The following MYOF variants were observed in gnomAD, a reference collection of about 807,000 sequenced individuals.
MYOF encodes the protein fer-1-like 3, myoferlin.
A neutral mutation model predicts 284.2 loss-of-function variants in MYOF; 244 were observed. The observed-to-expected ratio is 0.86, with a 90% CI of 0.77 to 0.95. MYOF has a LOEUF of 0.95. Among genes scored for constraint, MYOF ranks in the 40% least tolerant of loss-of-function variants. The probability of loss-of-function intolerance (pLI) is 0.00; values close to 1 mark genes in which losing one functional copy is unlikely to be tolerated. For missense variants in MYOF, 2,496 were observed against 2,560.6 expected (o/e 0.97, Z 0.54); for synonymous variants, 904 against 919.7 (o/e 0.98, Z 0.31).
chr10:93,340,261 G>T, intron 38 of MYOF, 97 bp from the exon 39 acceptor site: 1 of 1,289,266 alleles, frequency 7.8e-7, no homozygotes, highest in Non-Finnish European at 1.1e-6. Context: ...AGAGAAAGAA[G>T]CAAAAATTAT....
At chr10:93,317,226 C>A (rs1842652047) in intron 49 of MYOF, among the ~76,000 whole-genome samples, 1 of 137,148 alleles carries the variant, frequency 7.3e-6, no homozygotes, top group Non-Finnish European at 1.6e-5. Context: ...CCCTCCCACC[C>A]ACACAGATGT....
chr10:93,435,071 A>G (rs563222840), intron 3 of MYOF, among the ~76,000 whole-genome samples: 23 of 152,354 alleles, frequency 1.5e-4, no homozygotes, highest in African/African-American at 5.5e-4. Context: ...AACTGGTATT[A>G]AATGTCTAAA....
Position 93,361,465 on chromosome 10 carries a change from C to T in MYOF, c.2961G>A (p.Ala987=), listed in dbSNP as rs1305461390. ...GTACAATGTTACCTTTCTCATCCAC[C>T]GCTCGATTTATGTCATAAGACCATG... ...DDAWSYDINR[A]VDEKGWEYGI... Residue 987 remains alanine (A), a synonymous_variant, in exon 28 of 54, where the codon GCG becomes GCA. Transcript: ENST00000359263. 40 of 1,613,988 alleles carry T rather than the reference C, an allele frequency of 2.5e-5. No individual in the cohort carries two copies. The highest frequency in any genetic ancestry group is 1.5e-4 in the African/African-American group (11 of 74,908).
At chr10:93,481,727 A>G (rs1168692940) in intron 1 of MYOF, among the ~76,000 whole-genome samples, 1 of 152,176 alleles carries the variant, frequency 6.6e-6, no homozygotes, top group Non-Finnish European at 1.5e-5. Flanking sequence ...CAACAATTTA[A>G]TTGCTCTTCT....
intron 52 of MYOF, 127 bp downstream of exon 52, chr10:93,310,407 C>A (rs1052172417): frequency 3.8e-6 from 4 of 1,041,054 alleles, no homozygotes; most frequent in Admixed American, 2.7e-5. Context: ...TCTCCACCCC[C>A]ACCCACCACT....
At chr10:93,455,194 CAGG>C (rs575366193) in intron 2 of MYOF, among the ~76,000 whole-genome samples, 302 of 151,228 alleles carry the variant, frequency 2.0e-3, no homozygotes, top group African/African-American at 7.2e-3. Flanking sequence ...GAGGCTGAGG[CAGG>C]AGAATTGCTT....
At chr10:93,471,169 C>T (rs2057139080) in intron 1 of MYOF, among the ~76,000 whole-genome samples, 1 of 152,122 alleles carries the variant, frequency 6.6e-6, no homozygotes, top group Non-Finnish European at 1.5e-5. Flanking sequence ...TTCTAGTCTC[C>T]ACTAATAAAA....
intron 1 of MYOF, among the ~76,000 whole-genome samples, chr10:93,472,243 A>G (rs980477813): frequency 2.6e-5 from 4 of 152,234 alleles, no homozygotes; most frequent in South Asian, 4.1e-4. Context: ...TAAGATGGCT[A>G]TTATGAAATA....
At chr10:93,474,524 T>G (rs1386760202) in intron 1 of MYOF, among the ~76,000 whole-genome samples, 2 of 152,236 alleles carry the variant, frequency 1.3e-5, no homozygotes, top group African/African-American at 4.8e-5. Flanking sequence ...CATTCTTGTG[T>G]GCTAACTAGT....
intron 51 of MYOF, 58 bp downstream of exon 51, chr10:93,312,962 A>C: frequency 6.6e-7 from 1 of 1,521,478 alleles, no homozygotes; most frequent in Non-Finnish European, 8.9e-7. Context: ...ATAAAGGGCA[A>C]AACCTAAATG....
At chr10:93,371,399 C>G (rs1007881946) in intron 24 of MYOF, among the ~76,000 whole-genome samples, 1 of 152,164 alleles carries the variant, frequency 6.6e-6, no homozygotes, top group East Asian at 1.9e-4. Context: ...TTATCATATA[C>G]TTCAACCAAA....
intron 25 of MYOF, among the ~76,000 whole-genome samples, chr10:93,367,146 G>T (rs1845363472): frequency 6.6e-6 from 1 of 152,172 alleles, no homozygotes. Flanking sequence ...ATTCCATCTG[G>T]AATGTGGCAA....
chr10:93,441,396 T>A (rs1156444026), intron 3 of MYOF, among the ~76,000 whole-genome samples: 1 of 152,064 alleles, frequency 6.6e-6, no homozygotes, highest in African/African-American at 2.4e-5. Context: ...ATTTCTTTTT[T>A]TTTTTGGAGA....
At chr10:93,437,900 AGGAGACGCCGTGTCAG>A (rs568400958) in intron 3 of MYOF, among the ~76,000 whole-genome samples, 89 of 152,318 alleles carry the variant, frequency 5.8e-4, no homozygotes, top group African/African-American at 1.9e-3. Context: ...CTAGACTGGT[AGGAGACGCCGTGTCAG>A]CTGACAAAGA....
chr10:93,405,573 C>T (rs944985385), intron 7 of MYOF, among the ~76,000 whole-genome samples: 4 of 152,126 alleles, frequency 2.6e-5, no homozygotes, highest in African/African-American at 4.8e-5. Context: ...GGATTACAGG[C>T]GTGAGCCACC....
Position 93,383,269 on chromosome 10 carries a change from C to A in MYOF, c.1699-1873G>T, listed in dbSNP as rs143439342. On this transcript the variant is annotated intron_variant, in intron 19 of 53. Coordinates refer to ENST00000359263, the MANE Select transcript of MYOF (RefSeq NM_013451.4). The stretch of plus-strand genomic sequence containing the variant: ...CTGAAGCTTGTGGTCTTGAAGAACC[C>A]CTGGACATCCTTCTATTACAGAGTC... Among the ~76,000 whole-genome samples, 526 of 152,234 alleles carry A rather than the reference C, an allele frequency of 3.5e-3. 2 individuals carry two copies. The highest frequency in any genetic ancestry group is 0.012 in the African/African-American group (504 of 41,534).
intron 20 of MYOF, among the ~76,000 whole-genome samples, chr10:93,380,650 C>T (rs1306118999): frequency 6.6e-6 from 1 of 152,184 alleles, no homozygotes; most frequent in Admixed American, 6.5e-5. Context: ...TTATTTTATA[C>T]ACTAGAATGT....
chr10:93,351,933 T>C (rs1428241163), intron 32 of MYOF, 87 bp from the exon 33 acceptor site: 10 of 1,254,650 alleles, frequency 8.0e-6, no homozygotes, highest in Non-Finnish European at 1.1e-5. Context: ...TCTTTTCCTC[T>C]GGATATAATG....
rs2133934235 is a variant in MYOF, at chr10:93,362,952, T to C, written c.2868+1009A>G. Among the ~76,000 whole-genome samples the C allele has an allele frequency of 2.0e-5, 3 of 152,288 alleles. 1 individual carries two copies. Among genetic ancestry groups the C allele is most frequent in the Admixed American group, 2.0e-4 (3 of 15,300 alleles). On this transcript the variant is annotated intron_variant, in intron 27 of 53. Coordinates refer to ENST00000359263, the MANE Select transcript of MYOF (RefSeq NM_013451.4). Reference sequence around the variant, plus strand: ...CAAGGATCTTCCCTACAGATAAACGTTCATAAACATACAAAAATGTATGTT... The same window carrying C: ...CAAGGATCTTCCCTACAGATAAACGCTCATAAACATACAAAAATGTATGTT...
Sources: gnomAD v4.1 joint callset for allele counts (sites outside exome capture counted in the v4.1 genomes callset) on GRCh38, gnomAD v4.1.1 for gene constraint, MANE v1.5 for transcripts, NCBI Gene and HGNC (gene_info 2026-07-23, HGNC 2026-07-21) for gene names.